Variants in SLC22A23 observed in about 807,000 individuals in gnomAD.
The protein encoded by SLC22A23 is ion transporter protein.
Under a neutral mutation model 61.0 loss-of-function variants are expected in SLC22A23, and 26 were observed. That is an observed-to-expected ratio of 0.43 (90% CI 0.31 to 0.59). The LOEUF is 0.59. Among genes scored for constraint, SLC22A23 ranks in the 20% least tolerant of loss-of-function variants. The probability of loss-of-function intolerance (pLI) is 0.11; values close to 1 mark genes in which losing one functional copy is unlikely to be tolerated. For synonymous variants in SLC22A23, 430 were observed against 413.9 expected, an observed-to-expected ratio of 1.04 and a Z score of -0.47; for missense variants, 796 against 934.7, an observed-to-expected ratio of 0.85 and a Z score of 1.94.
At chr6:3,289,706 C>G (rs1760392716) in intron 6 of SLC22A23, 58 bp downstream of exon 6, 1 of 1,457,616 alleles carries the variant, frequency 6.9e-7, no homozygotes, top group South Asian at 1.2e-5. Context: ...CTTCACCACT[C>G]CCCACCTTCT....
intron 3 of SLC22A23, among the ~76,000 whole-genome samples, chr6:3,373,889 C>T (rs954432702): frequency 3.3e-5 from 5 of 152,236 alleles, no homozygotes; most frequent in Non-Finnish European, 5.9e-5. Context: ...GTGCCCACTA[C>T]GTGCCAGGCA....
chr6:3,421,369 T>C (rs946954209), intron 1 of SLC22A23, among the ~76,000 whole-genome samples: 2 of 152,218 alleles, frequency 1.3e-5, no homozygotes, highest in African/African-American at 4.8e-5. Flanking sequence ...CTCTATGCAA[T>C]GATTTTCACT....
At chr6:3,314,781 G>C (rs1470563738) in intron 4 of SLC22A23, among the ~76,000 whole-genome samples, 2 of 152,070 alleles carry the variant, frequency 1.3e-5, no homozygotes, top group Non-Finnish European at 2.9e-5. Context: ...AAGGGTTTCT[G>C]CACGGCCAGC....
intron 4 of SLC22A23, among the ~76,000 whole-genome samples, chr6:3,298,725 C>T (rs1001284476): frequency 6.6e-6 from 1 of 152,096 alleles, no homozygotes; most frequent in South Asian, 2.1e-4. Flanking sequence ...GTAATCCCAG[C>T]ACTTTGGGAG....
chr6:3,275,874 G>A (rs116392440), intron 9 of SLC22A23, among the ~76,000 whole-genome samples: 3,061 of 152,304 alleles, frequency 0.02, 45 homozygotes, highest in Non-Finnish European at 0.029. Flanking sequence ...GAGCCACCAC[G>A]CCACTCTTAT....
At chr6:3,277,798 TCAAGGTA>T (rs962104316) in intron 9 of SLC22A23, among the ~76,000 whole-genome samples, 2 of 152,340 alleles carry the variant, frequency 1.3e-5, no homozygotes, top group African/African-American at 4.8e-5. Context: ...GCGCTGGCCC[TCAAGGTA>T]CAAGGTACAA....
intron 5 of SLC22A23, chr6:3,292,131 T>G (rs1760655378): frequency 6.6e-6 from 1 of 152,332 alleles, no homozygotes. Flanking sequence ...GACTTTGTGC[T>G]TATCTTACTA....
At chr6:3,352,791 T>G (rs938603395) in intron 3 of SLC22A23, among the ~76,000 whole-genome samples, 1 of 152,040 alleles carries the variant, frequency 6.6e-6, no homozygotes, top group South Asian at 2.1e-4. Context: ...TTAATCTGAG[T>G]GAAGGAAAAG....
intron 9 of SLC22A23, 127 bp downstream of exon 9, chr6:3,283,725 A>C (rs1247942911): frequency 1.3e-6 from 2 of 1,505,510 alleles, no homozygotes; most frequent in Admixed American, 3.8e-5. Context: ...GCTATGAACC[A>C]CGAAGCTGAT....
At chr6:3,299,786 T>C (rs541785358) in intron 4 of SLC22A23, among the ~76,000 whole-genome samples, 1 of 151,806 alleles carries the variant, frequency 6.6e-6, no homozygotes, top group South Asian at 2.1e-4. Flanking sequence ...AATAATACTT[T>C]ATTGCAAAAC....
chr6:3,280,468 A>AT (rs1356496113), intron 9 of SLC22A23, among the ~76,000 whole-genome samples: 2 of 40,832 alleles, frequency 4.9e-5, no homozygotes, highest in African/African-American at 9.3e-5. Context: ...TTGTTTTCAG[A>AT]TGTGACATTT....
At chr6:3,277,708 T>C (rs926486969) in intron 9 of SLC22A23, among the ~76,000 whole-genome samples, 2 of 152,236 alleles carry the variant, frequency 1.3e-5, no homozygotes, top group African/African-American at 4.8e-5. Context: ...GAGACCTGGC[T>C]GGCACCTGGG....
At chr6:3,315,732 TG>T (rs2127388058) in intron 4 of SLC22A23, among the ~76,000 whole-genome samples, 1 of 152,054 alleles carries the variant, frequency 6.6e-6, no homozygotes, top group Admixed American at 6.5e-5. Flanking sequence ...GGCGTGGTGG[TG>T]GGCACCTGTA....
At chr6:3,394,919 A>T (rs1253113954) in intron 3 of SLC22A23, among the ~76,000 whole-genome samples, 1 of 152,162 alleles carries the variant, frequency 6.6e-6, no homozygotes, top group Non-Finnish European at 1.5e-5. Context: ...GAGGCAGCCC[A>T]ACCATGGAGT....
chr6:3,382,836 G>A (rs1767041077), intron 3 of SLC22A23, among the ~76,000 whole-genome samples: 1 of 152,204 alleles, frequency 6.6e-6, no homozygotes, highest in African/African-American at 2.4e-5. Context: ...GAAGGTGTAG[G>A]GAGGAAAGAG....
chr6:3,350,808 A>G (rs574349050), intron 3 of SLC22A23, among the ~76,000 whole-genome samples: 3 of 152,292 alleles, frequency 2.0e-5, no homozygotes, highest in African/African-American at 7.2e-5. Flanking sequence ...TTATTTTCAC[A>G]TCAGAGAGAG....
intron 3 of SLC22A23, among the ~76,000 whole-genome samples, chr6:3,362,590 A>C (rs1037720254): frequency 7.9e-5 from 12 of 151,978 alleles, no homozygotes; most frequent in African/African-American, 2.9e-4. Flanking sequence ...GAGCACAGCA[A>C]AGCCCCCCAT....
intron 3 of SLC22A23, among the ~76,000 whole-genome samples, chr6:3,332,717 T>A (rs1278739697): frequency 6.6e-6 from 1 of 152,202 alleles, no homozygotes; most frequent in African/African-American, 2.4e-5. Context: ...TTAATATTAT[T>A]CAATATCTAG....
intron 3 of SLC22A23, among the ~76,000 whole-genome samples, chr6:3,401,845 C>T (rs1768414053): frequency 6.6e-6 from 1 of 152,200 alleles, no homozygotes; most frequent in Non-Finnish European, 1.5e-5. Flanking sequence ...TGCTCCTGAA[C>T]TTCTGAATAA....
Sources: gnomAD v4.1 joint callset for allele counts (sites outside exome capture counted in the v4.1 genomes callset) on GRCh38, gnomAD v4.1.1 for gene constraint, MANE v1.5 for transcripts, NCBI Gene and HGNC (gene_info 2026-07-23, HGNC 2026-07-21) for gene names.